The following ABLIM3 variants were observed in gnomAD, a reference collection of about 807,000 sequenced individuals.
The protein encoded by ABLIM3 is actin binding LIM protein family member 3.
ABLIM3 carries 61 observed loss-of-function variants against 109.5 expected under a neutral mutation model. The observed-to-expected ratio is 0.56, with a 90% confidence interval of 0.45 to 0.69. ABLIM3 has a LOEUF of 0.69. Ranked by LOEUF, ABLIM3 falls within the 30% of genes least tolerant of loss-of-function variation. The pLI is 0.00. For synonymous variants in ABLIM3, 300 were observed against 324.8 expected (o/e 0.92, Z 0.82); for missense variants, 796 against 889.5 (o/e 0.89, Z 1.34).
chr5:149,193,022 G>A (rs1247789662), intron 3 of ABLIM3, among the ~76,000 whole-genome samples: 1 of 151,902 alleles, frequency 6.6e-6, no homozygotes, highest in Non-Finnish European at 1.5e-5. Context: ...AGCAATTAAG[G>A]GACTTAAGAG....
At chr5:149,203,894 G>A (rs939191653) in intron 5 of ABLIM3, among the ~76,000 whole-genome samples, 3 of 152,190 alleles carry the variant, frequency 2.0e-5, no homozygotes, top group Non-Finnish European at 2.9e-5. Context: ...TTTTATAGAT[G>A]AGAAAACTGA....
chr5:149,193,942 T>C (rs1757728828), intron 3 of ABLIM3, among the ~76,000 whole-genome samples: 1 of 152,216 alleles, frequency 6.6e-6, no homozygotes, highest in Admixed American at 6.5e-5. Flanking sequence ...CAGGTGGATT[T>C]GCTTTACTAT....
At chr5:149,193,970 A>C (rs1757730474) in intron 3 of ABLIM3, among the ~76,000 whole-genome samples, 1 of 152,218 alleles carries the variant, frequency 6.6e-6, no homozygotes, top group African/African-American at 2.4e-5. Context: ...AGCTCAATAA[A>C]ATTTTTAGAA....
At chr5:149,251,859 C>T (rs1403691163) in intron 21 of ABLIM3, among the ~76,000 whole-genome samples, 1 of 152,236 alleles carries the variant, frequency 6.6e-6, no homozygotes, top group Non-Finnish European at 1.5e-5. Flanking sequence ...AAGGGGCCCA[C>T]ATCAGAACCT....
At chr5:149,248,565 C>T (rs1753617066) in intron 18 of ABLIM3, among the ~76,000 whole-genome samples, 1 of 151,746 alleles carries the variant, frequency 6.6e-6, no homozygotes, top group African/African-American at 2.4e-5. Flanking sequence ...GTGGTGGGCA[C>T]CTGTAGTCCC....
At chr5:149,177,384 C>G (rs1233911507) in intron 2 of ABLIM3, among the ~76,000 whole-genome samples, 1 of 152,194 alleles carries the variant, frequency 6.6e-6, no homozygotes, top group East Asian at 1.9e-4. Flanking sequence ...TTTAAGTAAG[C>G]ACACACAACA....
At chr5:149,175,923 G>A (rs942609232) in intron 2 of ABLIM3, among the ~76,000 whole-genome samples, 5 of 152,286 alleles carry the variant, frequency 3.3e-5, no homozygotes, top group South Asian at 2.1e-4. Context: ...CCAGCAACAC[G>A]CCATGACCAT....
chr5:149,222,336 C>T (rs1451535785), intron 8 of ABLIM3, among the ~76,000 whole-genome samples: 2 of 152,068 alleles, frequency 1.3e-5, no homozygotes, highest in Non-Finnish European at 1.5e-5. Context: ...GCCACTTAGC[C>T]AAAGTGGGCC....
intron 15 of ABLIM3, chr5:149,243,494 C>G (rs1165396635): frequency 6.6e-6 from 1 of 152,216 alleles, no homozygotes; most frequent in Non-Finnish European, 1.5e-5. Flanking sequence ...GCGAAGCAGT[C>G]CTGCACCAGG....
chr5:149,181,969 G>A (rs960510068), intron 2 of ABLIM3, among the ~76,000 whole-genome samples: 37 of 152,158 alleles, frequency 2.4e-4, no homozygotes, highest in African/African-American at 8.7e-4. Context: ...TAGGGAAAAG[G>A]CAATATAGCA....
chr5:149,256,087 TG>T (rs556157866), intron 23 of ABLIM3, among the ~76,000 whole-genome samples: 8 of 152,204 alleles, frequency 5.3e-5, no homozygotes, highest in Non-Finnish European at 1.2e-4. Flanking sequence ...AAATGTCAGA[TG>T]GACAGTAGTG....
At chr5:149,241,070 A>G (rs1752773160) in intron 14 of ABLIM3, among the ~76,000 whole-genome samples, 1 of 152,232 alleles carries the variant, frequency 6.6e-6, no homozygotes, top group Non-Finnish European at 1.5e-5. Context: ...GGGGCGCAGC[A>G]GGGGCACACA....
Position 149,259,165 on chromosome 5 carries a change from A to G in ABLIM3, c.*761A>G. 9.7e-7 allele frequency: 1 copy of G among 1,034,276 alleles called. No individual in the cohort carries two copies. Among genetic ancestry groups the G allele is most frequent in the Non-Finnish European group, 1.2e-6 (1 of 861,490 alleles). 64.1% of individuals were successfully genotyped at this position (1,034,276 alleles called of 1,614,324 possible). On this transcript the variant is annotated 3_prime_UTR_variant, in exon 24 of 24. Transcript: ENST00000309868. ...TGGAGAACCAGAGGAAAAGAGAGGGAGCGGAAGTGGGAGATGGAGCAGGGC... is the reference window on the plus strand; with the variant it reads ...TGGAGAACCAGAGGAAAAGAGAGGGGGCGGAAGTGGGAGATGGAGCAGGGC...
At position 149,225,982 on chromosome 5, in the gene ABLIM3, GTATATATATATATATATATATATATA is replaced by G. The variant is rs58844908; in HGVS notation, c.758-4647_758-4622del. 5.1e-4 allele frequency among the ~76,000 whole-genome samples: 23 copies of G among 45,522 alleles called. 1 individual carries two copies. Among genetic ancestry groups the G allele is most frequent in the South Asian group, 3.6e-3 (4 of 1,122 alleles). 29.9% of individuals were successfully genotyped at this position (45,522 alleles called of 152,430 possible). A position where few individuals can be genotyped will look rare whatever the true frequency, so the allele number is the denominator to read the frequency against. ...TATGTGTGTGTGTGTGTGTGTGTGT[GTATATATATATATATATATATATATA>G]TATATATATATATATATATCACAGT... On this transcript the variant is annotated intron_variant, in intron 8 of 23. Transcript: ENST00000309868.
intron 10 of ABLIM3, among the ~76,000 whole-genome samples, chr5:149,236,805 T>G (rs1385674146): frequency 6.6e-6 from 1 of 152,210 alleles, no homozygotes; most frequent in Non-Finnish European, 1.5e-5. Flanking sequence ...TTGATTTTTC[T>G]GTGCCTCTGG....
rs573371013 is a variant in ABLIM3 at position 149,160,003 on chromosome 5, CTTAT to C, written c.13+17902_13+17905del. Among the ~76,000 whole-genome samples, 588 of 152,292 alleles carry C rather than the reference CTTAT, an allele frequency of 3.9e-3. 1 individual carries two copies. Among genetic ancestry groups the C allele is most frequent in the African/African-American group, 0.013 (553 of 41,548 alleles). ...ACCTTTAGATTACCTGTCCCCACCCCTTATTTATTTCCTTCATTCTACTTGTCAC... is the reference window on the plus strand; with the variant it reads ...ACCTTTAGATTACCTGTCCCCACCCCTTATTTCCTTCATTCTACTTGTCAC... On this transcript the variant is annotated intron_variant, in intron 2 of 23. Transcript: ENST00000309868.
At chr5:149,223,382 C>A (rs1224781949) in intron 8 of ABLIM3, among the ~76,000 whole-genome samples, 1 of 152,140 alleles carries the variant, frequency 6.6e-6, no homozygotes, top group Non-Finnish European at 1.5e-5. Context: ...TTCTGAGAAA[C>A]AAAATTGCCT....
rs185134055 is a variant in ABLIM3 at position 149,215,925 on chromosome 5, G to T, written c.670-1034G>T. Among the ~76,000 whole-genome samples the T allele has an allele frequency of 4.9e-3, 742 of 152,322 alleles. 6 individuals are homozygous for T. The highest frequency in any genetic ancestry group is 0.037 in the Middle Eastern group (11 of 294). On this transcript the variant is annotated intron_variant, in intron 7 of 23. Transcript: ENST00000309868. ...CCCAACACTGCTGCTGGCTTGCAGT[G>T]AACCCTTGAGGCACAACCTTCTCAG...
At chr5:149,151,409 C>T (rs373264438) in intron 2 of ABLIM3, among the ~76,000 whole-genome samples, 10 of 152,298 alleles carry the variant, frequency 6.6e-5, no homozygotes, top group East Asian at 3.9e-4. Flanking sequence ...TGTGGGGACA[C>T]AATTCAATCC....
Sources: allele counts gnomAD v4.1 joint callset (sites outside exome capture counted in the v4.1 genomes callset), GRCh38; gene constraint gnomAD v4.1.1; transcripts MANE v1.5; gene names NCBI Gene and HGNC (gene_info 2026-07-23, HGNC 2026-07-21).